Variants in MTA3 observed in about 807,000 individuals in gnomAD.
MTA3 encodes metastasis associated 1 family member 3, also known as metastasis-associated protein MTA3.
A neutral mutation model predicts 83.5 loss-of-function variants in MTA3; 34 were observed. The ratio of observed to expected loss-of-function variants is 0.41; its 90% confidence interval spans 0.31 to 0.54. MTA3 has a LOEUF of 0.54. Ranked by LOEUF, MTA3 falls within the 20% of genes least tolerant of loss-of-function variation. The pLI is 0.33. For missense variants in MTA3, 761 were observed against 726.4 expected (o/e 1.05, Z -0.55); for synonymous variants, 303 against 252.7 (o/e 1.20, Z -1.89).
chr2:42,502,839 T>A (rs1173647432), intron 2 of MTA3, among the ~76,000 whole-genome samples: 1 of 146,442 alleles, frequency 6.8e-6, no homozygotes, highest in African/African-American at 2.6e-5. Flanking sequence ...GGCAGCCGCC[T>A]GTAATCCCAG....
chr2:42,635,925 C>T (rs942346318), intron 4 of MTA3, among the ~76,000 whole-genome samples: 1 of 152,032 alleles, frequency 6.6e-6, no homozygotes, highest in Non-Finnish European at 1.5e-5. Context: ...ACCACCACAC[C>T]CAGCTAATTT....
At chr2:42,555,573 C>A (rs369931361) in intron 2 of MTA3, among the ~76,000 whole-genome samples, 2,553 of 146,976 alleles carry the variant, frequency 0.017, 78 homozygotes, top group African/African-American at 0.062. Flanking sequence ...ATCCTGGCTA[C>A]CACAGTGAAA....
chr2:42,577,686 G>A (rs1045994614), intron 2 of MTA3, among the ~76,000 whole-genome samples: 5 of 151,948 alleles, frequency 3.3e-5, no homozygotes, highest in African/African-American at 1.2e-4. Flanking sequence ...TTACTATGTT[G>A]GCCAGGCTGG....
intron 4 of MTA3, among the ~76,000 whole-genome samples, chr2:42,627,015 A>C (rs2104230918): frequency 6.6e-6 from 1 of 152,340 alleles, no homozygotes; most frequent in Middle Eastern, 3.4e-3. Flanking sequence ...TGCTGGGATT[A>C]CAGGCATGAG....
At chr2:42,647,155 T>TAAAAAAAAAAAGCA (rs1553373421) in intron 6 of MTA3, among the ~76,000 whole-genome samples, 2 of 92,076 alleles carry the variant, frequency 2.2e-5, no homozygotes, top group South Asian at 4.6e-4. Context: ...AGACTCTGTC[T>TAAAAAAAAAAAGCA]AAAAAAAAAA....
chr2:42,719,180 T>C, intron 15 of MTA3, 106 bp downstream of exon 15: 1 of 778,916 alleles, frequency 1.3e-6, no homozygotes, highest in Non-Finnish European at 2.1e-6. Context: ...GCCCTTCAAA[T>C]AGCCGAAATT....
chr2:42,622,184 C>G (rs1297669163), intron 4 of MTA3, among the ~76,000 whole-genome samples: 1 of 152,220 alleles, frequency 6.6e-6, no homozygotes, highest in Non-Finnish European at 1.5e-5. Context: ...TGGCAGATCA[C>G]TCGCGGTTAG....
intron 3 of MTA3, among the ~76,000 whole-genome samples, chr2:42,579,853 T>G (rs967972687): frequency 3.3e-5 from 5 of 151,914 alleles, no homozygotes; most frequent in African/African-American, 1.2e-4. Flanking sequence ...CCTGGCCTAT[T>G]GGTGGTTTTG....
chr2:42,549,718 AATTATAT>A (rs1464682604), intron 2 of MTA3, among the ~76,000 whole-genome samples: 4 of 133,056 alleles, frequency 3.0e-5, no homozygotes, highest in African/African-American at 5.6e-5. Flanking sequence ...TATATATTTA[AATTATAT>A]ATTATATATG....
At chr2:42,683,062 C>T (rs1270433821) in intron 9 of MTA3, among the ~76,000 whole-genome samples, 1 of 152,192 alleles carries the variant, frequency 6.6e-6, no homozygotes, top group Non-Finnish European at 1.5e-5. Flanking sequence ...CAGAGCAAGA[C>T]TTGGTGTCAA....
chr2:42,600,945 C>T (rs1184051225), intron 3 of MTA3, among the ~76,000 whole-genome samples: 2 of 151,790 alleles, frequency 1.3e-5, no homozygotes, highest in African/African-American at 2.4e-5. Context: ...CATGTTCTGT[C>T]GCTTAGGCTT....
intron 3 of MTA3, among the ~76,000 whole-genome samples, chr2:42,598,897 C>T (rs774237389): frequency 1.3e-5 from 2 of 152,166 alleles, no homozygotes; most frequent in African/African-American, 2.4e-5. Flanking sequence ...AAGTGGGTAC[C>T]ACTGGAGGCT....
chr2:42,622,006 G>A (rs1416955580), intron 4 of MTA3, among the ~76,000 whole-genome samples: 2 of 152,070 alleles, frequency 1.3e-5, no homozygotes, highest in African/African-American at 4.8e-5. Context: ...ACGGGGTGGC[G>A]GCCGGGCAGA....
rs374773474 is a variant in MTA3 at position 42,704,009 on chromosome 2, C to T, written c.1026-185C>T. On this transcript the variant is annotated intron_variant, in intron 11 of 16. Transcript: ENST00000405094. ...TAAGCAATTCCTTTTTTCATAGACT[C>T]GTTTTATAAAGATGAGTAGTGTGAG... The T allele has an allele frequency of 2.4e-4, 137 of 575,556 alleles. No individual in the cohort carries two copies. The East Asian group carries it at 3.8e-3, about 16-fold the overall frequency. 35.7% of individuals were successfully genotyped at this position (575,556 alleles called of 1,614,324 possible). A position where few individuals can be genotyped will look rare whatever the true frequency, so the allele number is the denominator to read the frequency against.
At chr2:42,500,984 G>A (rs1319685467) in intron 2 of MTA3, among the ~76,000 whole-genome samples, 1 of 151,998 alleles carries the variant, frequency 6.6e-6, no homozygotes, top group East Asian at 1.9e-4. Context: ...CTAATTTTCT[G>A]TATTTTTAGT....
At chr2:42,688,575 G>C (rs1692596013) in intron 9 of MTA3, among the ~76,000 whole-genome samples, 1 of 143,456 alleles carries the variant, frequency 7.0e-6, no homozygotes, top group South Asian at 2.2e-4. Flanking sequence ...TCTTTTGTTT[G>C]TTGATTTTGA....
intron 8 of MTA3, among the ~76,000 whole-genome samples, chr2:42,678,786 G>A (rs1257468199): frequency 6.6e-6 from 1 of 152,064 alleles, no homozygotes; most frequent in Non-Finnish European, 1.5e-5. Context: ...CTGTGTGTGT[G>A]TGTATACATA....
intron 2 of MTA3, among the ~76,000 whole-genome samples, chr2:42,539,780 C>T (rs1676439054): frequency 6.6e-6 from 1 of 151,862 alleles, no homozygotes; most frequent in Admixed American, 6.6e-5. Context: ...ACTATGTTGC[C>T]CAGGCTGGTC....
chr2:42,534,332 C>T (rs932291055), intron 2 of MTA3, among the ~76,000 whole-genome samples: 10 of 152,190 alleles, frequency 6.6e-5, no homozygotes, highest in African/African-American at 2.2e-4. Flanking sequence ...TGCCGTGGCT[C>T]AAGCCTATAA....
Sources: allele counts gnomAD v4.1 joint callset (sites outside exome capture counted in the v4.1 genomes callset), GRCh38; gene constraint gnomAD v4.1.1; transcripts MANE v1.5; gene names NCBI Gene and HGNC (gene_info 2026-07-23, HGNC 2026-07-21).